LURAP1L: variants seen among roughly 807,000 people sequenced by gnomAD.
The protein encoded by LURAP1L is leucine rich adaptor protein 1 like, also known as leucine rich adaptor protein 1-like.
Under a neutral mutation model 13.8 loss-of-function variants are expected in LURAP1L, and 12 were observed. The ratio of observed to expected loss-of-function variants is 0.87; its 90% CI spans 0.56 to 1.41. LURAP1L has a LOEUF of 1.41. Ranked by LOEUF, LURAP1L falls within the 40% of genes most tolerant of loss-of-function variation. The pLI is 0.00. For synonymous variants in LURAP1L, 139 were observed against 119.2 expected, an observed-to-expected ratio of 1.17 and a Z score of -1.08; for missense variants, 375 against 292.9, an observed-to-expected ratio of 1.28 and a Z score of -2.04.
chr9:12,809,260 T>C (rs1173845897), intron 1 of LURAP1L, among the ~76,000 whole-genome samples: 3 of 152,192 alleles, frequency 2.0e-5, no homozygotes, highest in East Asian at 1.9e-4. Flanking sequence ...ACATCTAAAC[T>C]GTATCATATA....
At chr9:12,788,484 TA>T (rs1484674638) in intron 1 of LURAP1L, among the ~76,000 whole-genome samples, 2 of 152,128 alleles carry the variant, frequency 1.3e-5, no homozygotes, top group African/African-American at 4.8e-5. Flanking sequence ...CCTATAGAAA[TA>T]ATAATAAATC....
At chr9:12,804,083 T>G (rs531492705) in intron 1 of LURAP1L, among the ~76,000 whole-genome samples, 20 of 152,314 alleles carry the variant, frequency 1.3e-4, no homozygotes, top group Admixed American at 1.0e-3. Context: ...AATTATGTAT[T>G]TAATAAATTC....
At chr9:12,809,015 G>A (rs747221540) in intron 1 of LURAP1L, among the ~76,000 whole-genome samples, 1 of 152,158 alleles carries the variant, frequency 6.6e-6, no homozygotes, top group Non-Finnish European at 1.5e-5. Context: ...TACAATCATG[G>A]CAGAAGGAAA....
At chr9:12,814,817 G>T (rs1158616382) in intron 1 of LURAP1L, among the ~76,000 whole-genome samples, 1 of 152,190 alleles carries the variant, frequency 6.6e-6, no homozygotes, top group Non-Finnish European at 1.5e-5. Context: ...TCTGGGAAAA[G>T]AGTGAACTGT....
At position 12,789,243 on chromosome 9, in the gene LURAP1L, A is replaced by G. The variant is rs549390347; in HGVS notation, c.312+13216A>G. Among the ~76,000 whole-genome samples, 7 of 152,328 alleles carry G rather than the reference A, an allele frequency of 4.6e-5. No individual in the cohort carries two copies. In the East Asian group the frequency reaches 1.3e-3, roughly 29 times the overall value. ...GTGCTTTTAAGCACTTAATTTAAATAATGAGATGATATATGTAAAGTAGCT... is the reference window on the plus strand; with the variant it reads ...GTGCTTTTAAGCACTTAATTTAAATGATGAGATGATATATGTAAAGTAGCT... On this transcript the variant is annotated intron_variant, in intron 1 of 1. Transcript: ENST00000319264.
chr9:12,783,793 G>C (rs1294932565), intron 1 of LURAP1L, among the ~76,000 whole-genome samples: 1 of 146,922 alleles, frequency 6.8e-6, no homozygotes, highest in East Asian at 2.0e-4. Context: ...TAAATGTTTG[G>C]TAAAATTCAG....
chr9:12,792,589 G>A (rs548440741), intron 1 of LURAP1L, among the ~76,000 whole-genome samples: 2 of 152,030 alleles, frequency 1.3e-5, no homozygotes, highest in Non-Finnish European at 2.9e-5. Context: ...TCTCCCTGAT[G>A]TTATAGTTGC....
chr9:12,816,652 T>A (rs1351766287), intron 1 of LURAP1L, among the ~76,000 whole-genome samples: 1 of 152,226 alleles, frequency 6.6e-6, no homozygotes, highest in Admixed American at 6.5e-5. Context: ...ATTTTCTCCT[T>A]CAAGATTCCT....
intron 1 of LURAP1L, among the ~76,000 whole-genome samples, chr9:12,816,748 C>T (rs1393426788): frequency 6.6e-6 from 1 of 152,074 alleles, no homozygotes; most frequent in African/African-American, 2.4e-5. Flanking sequence ...ATACAGAGAC[C>T]TGTGACATCA....
At chr9:12,795,407 A>G (rs1290140209) in intron 1 of LURAP1L, among the ~76,000 whole-genome samples, 1 of 152,014 alleles carries the variant, frequency 6.6e-6, no homozygotes, top group Non-Finnish European at 1.5e-5. Flanking sequence ...TTAATAATAA[A>G]TTAATTATCT....
intron 1 of LURAP1L, among the ~76,000 whole-genome samples, chr9:12,820,514 C>CCCCA (rs1554659926): frequency 9.6e-5 from 4 of 41,728 alleles, no homozygotes; most frequent in Admixed American, 2.4e-4. Context: ...CCCCCCCCCC[C>CCCCA]AAAAAAAAAA....
intron 1 of LURAP1L, among the ~76,000 whole-genome samples, chr9:12,783,354 C>T (rs994576855): frequency 6.6e-6 from 1 of 152,008 alleles, no homozygotes; most frequent in African/African-American, 2.4e-5. Flanking sequence ...GTTTATATGG[C>T]TTTTATTGTG....
In LURAP1L at chr9:12,815,206, T is replaced by C. The variant is rs1341124688; in HGVS notation, c.313-6180T>C. Among the ~76,000 whole-genome samples the C allele has an allele frequency of 3.3e-5, 5 of 152,258 alleles. No individual in the cohort carries two copies. In the East Asian group the frequency reaches 9.7e-4, roughly 29 times the overall value. ...CAGAAAATCTTCTGTGATCATCAAA[T>C]TGAGGATGTCCTGAATTTGGAGAGA... is the stretch of plus-strand genomic sequence containing the variant. On this transcript the variant is annotated intron_variant, in intron 1 of 1. Transcript: ENST00000319264.
chr9:12,788,690 C>G (rs1586877457), intron 1 of LURAP1L, among the ~76,000 whole-genome samples: 1 of 151,996 alleles, frequency 6.6e-6, no homozygotes, highest in East Asian at 1.9e-4. Context: ...AAGCATAGAA[C>G]AAAAAGCTCG....
intron 1 of LURAP1L, among the ~76,000 whole-genome samples, chr9:12,802,367 C>A (rs372328634): frequency 3.7e-4 from 57 of 152,246 alleles, no homozygotes; most frequent in African/African-American, 1.2e-3. Context: ...GGTTTCACAT[C>A]ACTCTCCTTG....
At chr9:12,802,014 A>C (rs559881708) in intron 1 of LURAP1L, among the ~76,000 whole-genome samples, 1 of 152,228 alleles carries the variant, frequency 6.6e-6, no homozygotes, top group South Asian at 2.1e-4. Context: ...CAGGAGAATG[A>C]AATGGTTGTT....
intron 1 of LURAP1L, among the ~76,000 whole-genome samples, chr9:12,799,379 C>T (rs1257662116): frequency 1.3e-5 from 2 of 151,922 alleles, no homozygotes; most frequent in Non-Finnish European, 2.9e-5. Flanking sequence ...CAGAGTAATA[C>T]ATATAATATC....
intron 1 of LURAP1L, among the ~76,000 whole-genome samples, chr9:12,783,349 T>C (rs535814500): frequency 6.6e-6 from 1 of 152,320 alleles, no homozygotes; most frequent in Admixed American, 6.5e-5. Context: ...GGTCTGTTTA[T>C]ATGGCTTTTA....
intron 1 of LURAP1L, among the ~76,000 whole-genome samples, chr9:12,813,449 T>TTTA (rs1819764769): frequency 6.6e-6 from 1 of 152,162 alleles, no homozygotes; most frequent in African/African-American, 2.4e-5. Context: ...CAATCCCATG[T>TTTA]TTATGTTTAA....
Sources: allele counts gnomAD v4.1 joint callset (sites outside exome capture counted in the v4.1 genomes callset), GRCh38; gene constraint gnomAD v4.1.1; transcripts MANE v1.5; gene names NCBI Gene and HGNC (gene_info 2026-07-23, HGNC 2026-07-21).